Variants in PPP1R16B observed in about 807,000 individuals in gnomAD.
PPP1R16B encodes protein phosphatase 1 regulatory subunit 16B.
Under a neutral mutation model 61.7 loss-of-function variants are expected in PPP1R16B, and 14 were observed. That is an observed-to-expected ratio of 0.23 (90% CI 0.15 to 0.35). PPP1R16B has a LOEUF of 0.35. Ranked by LOEUF, PPP1R16B falls within the 10% of genes least tolerant of loss-of-function variation. The pLI is 1.00. For missense variants in PPP1R16B, 547 were observed against 752.5 expected (o/e 0.73, Z 3.19); for synonymous variants, 266 against 305.3 (o/e 0.87, Z 1.34).
chr20:38,830,591 C>T (rs1177367077), intron 1 of PPP1R16B, among the ~76,000 whole-genome samples: 1 of 152,150 alleles, frequency 6.6e-6, no homozygotes, highest in Non-Finnish European at 1.5e-5. Flanking sequence ...GTGGCTTGCC[C>T]AGGCCAGGAG....
intron 3 of PPP1R16B, 135 bp downstream of exon 3, chr20:38,889,800 A>G (rs2085278843): frequency 1.1e-6 from 1 of 907,878 alleles, no homozygotes; most frequent in African/African-American, 1.6e-5. Flanking sequence ...CAGCTGGCCC[A>G]TCTGAAAGGC....
chr20:38,806,307 C>T lies in PPP1R16B; in HGVS notation c.-102+515C>T, dbSNP rs181942483. Among the ~76,000 whole-genome samples the T allele has an allele frequency of 5.0e-4, 76 of 152,170 alleles. No homozygotes were observed. Among genetic ancestry groups the T allele is most frequent in the African/African-American group, 1.8e-3 (74 of 41,542 alleles). ...GCAGGGCGCAGAGAGCGCTCCTGCC[C>T]GGGCGGGAAAGATCCCCAAGGCAGG... On this transcript the variant is annotated intron_variant, in intron 1 of 10. Transcript: ENST00000299824. This position sits in a 1 kb window ranked among gnomAD's most constrained non-coding sequence, Gnocchi z 4.5.
intron 3 of PPP1R16B, among the ~76,000 whole-genome samples, chr20:38,891,388 C>G (rs2085291256): frequency 6.6e-6 from 1 of 152,220 alleles, no homozygotes; most frequent in Non-Finnish European, 1.5e-5. Context: ...GCACTCGATA[C>G]TGGATAAATA....
In PPP1R16B at chr20:38,841,682, A is replaced by G. The variant is rs546459558; in HGVS notation, c.250+5507A>G. Among the ~76,000 whole-genome samples the G allele has an allele frequency of 5.9e-5, 9 of 152,344 alleles. No homozygotes were observed. The East Asian group carries it at 1.5e-3, about 26-fold the overall frequency. ...TATTATTTACATGGAATCATACAGT[A>G]TATGATCTTTGTGATTGGCTTCTTT... On this transcript the variant is annotated intron_variant, in intron 2 of 10. Transcript: ENST00000299824.
At chr20:38,877,521 A>G (rs2085176096) in intron 2 of PPP1R16B, among the ~76,000 whole-genome samples, 2 of 152,220 alleles carry the variant, frequency 1.3e-5, no homozygotes, top group South Asian at 2.1e-4. Flanking sequence ...CATGTTGGCC[A>G]GGCTGATCTC....
intron 10 of PPP1R16B, among the ~76,000 whole-genome samples, chr20:38,910,441 A>G (rs1013045008): frequency 2.0e-5 from 3 of 152,088 alleles, no homozygotes; most frequent in Non-Finnish European, 4.4e-5. Context: ...TTAATTTTGT[A>G]TATGCATATG....
At chr20:38,878,078 G>A (rs1267241755) in intron 2 of PPP1R16B, among the ~76,000 whole-genome samples, 1 of 149,872 alleles carries the variant, frequency 6.7e-6, no homozygotes, top group East Asian at 2.0e-4. Flanking sequence ...GTGATTTGTG[G>A]CATTTATTTC....
chr20:38,899,012 C>A (rs1415309845), intron 4 of PPP1R16B, among the ~76,000 whole-genome samples: 1 of 152,140 alleles, frequency 6.6e-6, no homozygotes, highest in Non-Finnish European at 1.5e-5. Context: ...TGAGACAGAG[C>A]CAGACCAGGG....
intron 1 of PPP1R16B, among the ~76,000 whole-genome samples, chr20:38,807,600 C>T (rs1036651268): frequency 3.3e-5 from 5 of 152,266 alleles, no homozygotes; most frequent in African/African-American, 9.6e-5. Context: ...CCTGCTCACA[C>T]GGCCCTTCCC....
intron 2 of PPP1R16B, among the ~76,000 whole-genome samples, chr20:38,849,829 G>C (rs1389876095): frequency 6.6e-6 from 1 of 152,152 alleles, no homozygotes; most frequent in African/African-American, 2.4e-5. Flanking sequence ...CACCCCAAAA[G>C]TCTTCCTGGA....
At chr20:38,836,578 G>A (rs1030492022) in intron 2 of PPP1R16B, among the ~76,000 whole-genome samples, 5 of 152,072 alleles carry the variant, frequency 3.3e-5, no homozygotes, top group Non-Finnish European at 5.9e-5. Flanking sequence ...GGCTGGTCTC[G>A]AATTCCTGAG....
In PPP1R16B at chr20:38,902,653, T is replaced by C; in HGVS notation, c.572-15T>C. ...GCCTGAGGGTGCTAAATAAATCCCCTCTTTCCCACTGCAGGCATCACCCAA... is the reference window on the plus strand; with the variant it reads ...GCCTGAGGGTGCTAAATAAATCCCCCCTTTCCCACTGCAGGCATCACCCAA... On this transcript the variant is annotated splice_polypyrimidine_tract_variant and intron_variant, in intron 5 of 10. Coordinates refer to ENST00000299824, the MANE Select transcript of PPP1R16B (RefSeq NM_015568.4). 3 of 1,614,076 alleles carry C rather than the reference T, an allele frequency of 1.9e-6. No homozygotes were observed. Among genetic ancestry groups the C allele is most frequent in the East Asian group, 2.2e-5 (1 of 44,892 alleles).
chr20:38,834,592 C>G (rs2084857372), intron 1 of PPP1R16B, among the ~76,000 whole-genome samples: 2 of 152,080 alleles, frequency 1.3e-5, no homozygotes, highest in South Asian at 2.1e-4. Context: ...CCCAGTAGTT[C>G]AGCAGTTTTT....
At chr20:38,809,377 C>T (rs906276316) in intron 1 of PPP1R16B, among the ~76,000 whole-genome samples, 3 of 152,098 alleles carry the variant, frequency 2.0e-5, no homozygotes, top group African/African-American at 4.8e-5. Context: ...ATTCAAAAGA[C>T]GTTTATTCCA....
chr20:38,921,606 C>T lies in PPP1R16B; in HGVS notation c.*2940C>T, dbSNP rs1456044171. Reference sequence around the variant, plus strand: ...TTGCCACCAAGTATAGATGCTGGATCTTGGGTTCCAGGCAGACATCATCCA... The same window carrying T: ...TTGCCACCAAGTATAGATGCTGGATTTTGGGTTCCAGGCAGACATCATCCA... On this transcript the variant is annotated 3_prime_UTR_variant, in exon 11 of 11. Coordinates refer to ENST00000299824, the MANE Select transcript of PPP1R16B (RefSeq NM_015568.4). 1.3e-5 allele frequency: 2 copies of T among 152,208 alleles called. No homozygotes were observed. The highest frequency in any genetic ancestry group is 4.8e-5 in the African/African-American group (2 of 41,444). The allele number at this position is 152,208 out of a possible 1,614,324, so 9.4% of individuals were successfully genotyped here.
chr20:38,897,051 C>G (rs1476681609), intron 4 of PPP1R16B, among the ~76,000 whole-genome samples: 1 of 152,214 alleles, frequency 6.6e-6, no homozygotes, highest in East Asian at 1.9e-4. Context: ...GAGGCTGAGG[C>G]AGGAGAATCG....
chr20:38,809,400 T>C lies in PPP1R16B; in HGVS notation c.-102+3608T>C, dbSNP rs150153515. On this transcript the variant is annotated intron_variant, in intron 1 of 10. Coordinates refer to ENST00000299824, the MANE Select transcript of PPP1R16B (RefSeq NM_015568.4). ...GACGTTTATTCCATCCCAGCCCTTG[T>C]GCTTAGCAAGGGATTTCAAGATGAA... Among the ~76,000 whole-genome samples, 17 of 152,300 alleles carry C rather than the reference T, an allele frequency of 1.1e-4. No homozygotes were observed. The East Asian group carries it at 3.3e-3, about 29-fold the overall frequency.
intron 2 of PPP1R16B, among the ~76,000 whole-genome samples, chr20:38,846,383 C>T (rs2084935731): frequency 6.6e-6 from 1 of 152,082 alleles, no homozygotes; most frequent in Non-Finnish European, 1.5e-5. Context: ...CTCTGGGACA[C>T]CTCAATAGCT....
chr20:38,889,581 C>G lies in PPP1R16B; in HGVS notation c.251-14C>G, dbSNP rs113012124. On this transcript the variant is annotated splice_polypyrimidine_tract_variant and intron_variant, in intron 2 of 10. Transcript: ENST00000299824. The stretch of plus-strand genomic sequence containing the variant: ...GTGCAACGGGAAGCTCACTCCTGTA[C>G]CCTCCTATTGCAGTACGCTACTTCC... 1 of 1,562,096 alleles carries G rather than the reference C, an allele frequency of 6.4e-7. No homozygotes were observed. Among genetic ancestry groups the G allele is most frequent in the African/African-American group, 1.4e-5 (1 of 73,718 alleles).
Sources: gnomAD v4.1 joint callset for allele counts (sites outside exome capture counted in the v4.1 genomes callset) on GRCh38, gnomAD v4.1.1 for gene constraint, Gnocchi (gnomAD v3.1) non-coding constraint, MANE v1.5 for transcripts, NCBI Gene and HGNC (gene_info 2026-07-23, HGNC 2026-07-21) for gene names.